The following ESRRB variants were observed in gnomAD, a reference collection of about 807,000 sequenced individuals.
ESRRB encodes the protein steroid hormone receptor ERR2.
A neutral mutation model predicts 46.0 loss-of-function variants in ESRRB; 16 were observed. That is an observed-to-expected ratio of 0.35 (90% CI 0.24 to 0.53). ESRRB has a LOEUF of 0.53. Ranked by LOEUF, ESRRB falls within the 20% of genes least tolerant of loss-of-function variation. ESRRB has a pLI of 0.93. For missense variants in ESRRB, 488 were observed against 607.4 expected, an observed-to-expected ratio of 0.80 and a Z score of 2.07; for synonymous variants, 246 against 259.6, an observed-to-expected ratio of 0.95 and a Z score of 0.50.
chr14:76,358,205 G>A (rs1308434974), intron 1 of ESRRB, among the ~76,000 whole-genome samples: 1 of 151,292 alleles, frequency 6.6e-6, no homozygotes, highest in Admixed American at 6.6e-5. Context: ...CCAGCTACTC[G>A]GGAGGCTGAG....
intron 1 of ESRRB, among the ~76,000 whole-genome samples, chr14:76,313,427 G>T (rs1225877363): frequency 6.6e-6 from 1 of 151,972 alleles, no homozygotes; most frequent in Admixed American, 6.6e-5. Flanking sequence ...TTCTCTGAAT[G>T]TAAATGAGCA....
chr14:76,313,286 T>A (rs553714611), intron 1 of ESRRB, among the ~76,000 whole-genome samples: 4 of 149,886 alleles, frequency 2.7e-5, no homozygotes, highest in Non-Finnish European at 5.9e-5. Context: ...TAACTATTAA[T>A]TTTATGTGGT....
chr14:76,433,962 A>AT (rs35905714), intron 1 of ESRRB, among the ~76,000 whole-genome samples: 40,330 of 132,938 alleles, frequency 0.3, 7,151 homozygotes, highest in Non-Finnish European at 0.38. Flanking sequence ...CTGCCTTTAC[A>AT]TTTTTTTTTT....
At chr14:76,396,793 G>A (rs17582898) in intron 1 of ESRRB, among the ~76,000 whole-genome samples, 38,760 of 152,118 alleles carry the variant, frequency 0.25, 5,227 homozygotes, top group Admixed American at 0.31. Context: ...CTCAACTCCC[G>A]GAGCCAGCGC....
chr14:76,334,524 G>A (rs532037560), intron 1 of ESRRB, among the ~76,000 whole-genome samples: 5 of 152,288 alleles, frequency 3.3e-5, no homozygotes, highest in African/African-American at 9.6e-5. Flanking sequence ...ATTTTCAACC[G>A]GGTTCCACTC....
chr14:76,367,754 C>T (rs1404845824), upstream of ESRRB, among the ~76,000 whole-genome samples: 1 of 152,020 alleles, frequency 6.6e-6, no homozygotes, highest in Non-Finnish European at 1.5e-5. Flanking sequence ...AGAAGGCAGT[C>T]CAGGGAACCC....
At chr14:76,432,254 CAGCAGTGCTGGG>C (rs1488832230) in intron 1 of ESRRB, among the ~76,000 whole-genome samples, 1 of 152,208 alleles carries the variant, frequency 6.6e-6, no homozygotes, top group Non-Finnish European at 1.5e-5. Context: ...CCTGAGCATC[CAGCAGTGCTGGG>C]ACAGCCCCAT....
At chr14:76,338,937 C>T (rs530630624) in intron 1 of ESRRB, among the ~76,000 whole-genome samples, 4 of 152,234 alleles carry the variant, frequency 2.6e-5, no homozygotes, top group Admixed American at 2.0e-4. Context: ...AGCTAGATTC[C>T]GTCCCCTTAA....
intron 3 of ESRRB, among the ~76,000 whole-genome samples, chr14:76,474,530 A>G (rs1889496631): frequency 6.6e-6 from 1 of 152,214 alleles, no homozygotes; most frequent in South Asian, 2.1e-4. Context: ...CAGTGACATC[A>G]AACACATTCA....
intron 2 of ESRRB, among the ~76,000 whole-genome samples, chr14:76,458,840 C>T (rs1486792339): frequency 6.3e-5 from 8 of 126,276 alleles, no homozygotes; most frequent in African/African-American, 2.5e-4. Context: ...TCACCCTCTC[C>T]TTTTTTTTTT....
chr14:76,311,352 C>T (rs1304336692), intron 1 of ESRRB, among the ~76,000 whole-genome samples: 1 of 152,110 alleles, frequency 6.6e-6, no homozygotes, highest in African/African-American at 2.4e-5. Context: ...GGGAAGGTTA[C>T]CCAAGAAGAC....
At chr14:76,467,120 T>G (rs927958241) in intron 3 of ESRRB, among the ~76,000 whole-genome samples, 35 of 152,300 alleles carry the variant, frequency 2.3e-4, no homozygotes, top group African/African-American at 8.4e-4. Flanking sequence ...AGTGGGGACC[T>G]GGGACAGATG....
chr14:76,463,707 A>G (rs1888988049), intron 3 of ESRRB, among the ~76,000 whole-genome samples: 1 of 151,906 alleles, frequency 6.6e-6, no homozygotes, highest in African/African-American at 2.4e-5. Context: ...TCAGCCTCCC[A>G]AAGTGCTGGG....
At chr14:76,330,894 T>G (rs935436950) in intron 1 of ESRRB, among the ~76,000 whole-genome samples, 14 of 152,096 alleles carry the variant, frequency 9.2e-5, no homozygotes, top group Admixed American at 4.6e-4. Flanking sequence ...AGTGGCAGGC[T>G]GGAGACTCGG....
intron 1 of ESRRB, among the ~76,000 whole-genome samples, chr14:76,415,686 A>T (rs1261248637): frequency 6.6e-6 from 1 of 152,076 alleles, no homozygotes; most frequent in Non-Finnish European, 1.5e-5. Flanking sequence ...TTAGTAAATA[A>T]ATAGAGATGG....
chr14:76,336,784 G>C (rs146901030), intron 1 of ESRRB, among the ~76,000 whole-genome samples: 1 of 152,204 alleles, frequency 6.6e-6, no homozygotes, highest in South Asian at 2.1e-4. Flanking sequence ...GCATGTGCTA[G>C]GTGCGGGATA....
intron 1 of ESRRB, among the ~76,000 whole-genome samples, chr14:76,358,938 C>A (rs141918419): frequency 1.0e-3 from 159 of 152,338 alleles, no homozygotes; most frequent in African/African-American, 3.6e-3. Context: ...CCCCACCCGG[C>A]AAGTCTGTGG....
chr14:76,352,060 T>C (rs1202686073), intron 1 of ESRRB, among the ~76,000 whole-genome samples: 3 of 151,340 alleles, frequency 2.0e-5, no homozygotes, highest in African/African-American at 4.9e-5. Context: ...CTGTTCGCTG[T>C]TGAGTCAGTG....
chr14:76,385,435 A>G (rs988295926), intron 1 of ESRRB, among the ~76,000 whole-genome samples: 4 of 152,186 alleles, frequency 2.6e-5, no homozygotes, highest in African/African-American at 7.2e-5. Flanking sequence ...AATAAAAACC[A>G]ATCAGTCTTG....
Sources: allele counts gnomAD v4.1 joint callset (sites outside exome capture counted in the v4.1 genomes callset), GRCh38; gene constraint gnomAD v4.1.1; transcripts MANE v1.5; gene names NCBI Gene and HGNC (gene_info 2026-07-23, HGNC 2026-07-21).